The following PTPRG variants were observed in gnomAD, a reference collection of about 807,000 sequenced individuals.
PTPRG encodes protein tyrosine phosphatase receptor type G.
Under a neutral mutation model 165.3 loss-of-function variants are expected in PTPRG, and 102 were observed. That is an observed-to-expected ratio of 0.62 (90% CI 0.53 to 0.73). The LOEUF (loss-of-function observed/expected upper bound fraction) is 0.73, where lower values mean the gene tolerates loss of function less well. Ranked by LOEUF, PTPRG falls within the 30% of genes least tolerant of loss-of-function variation. The pLI, the probability that PTPRG is intolerant of heterozygous loss-of-function variation, is 0.00. For missense variants in PTPRG, 1,866 were observed against 1,861.4 expected (o/e 1.00, Z -0.05); for synonymous variants, 675 against 669.5 (o/e 1.01, Z -0.13).
chr3:62,215,545 A>AG (rs1576145271), intron 12 of PTPRG, among the ~76,000 whole-genome samples: 1 of 83,294 alleles, frequency 1.2e-5, no homozygotes, highest in Non-Finnish European at 2.6e-5. Context: ...CCCCTACGGG[A>AG]ACCCCCCCCC....
rs143984259 is a variant in PTPRG at position 61,916,721 on chromosome 3, T to A, written c.191-72904T>A. On this transcript the variant is annotated intron_variant, in intron 2 of 29. Transcript: ENST00000474889. ...AAAATCTATTTTATCCTCATAACAG[T>A]CATGTAGCATATAGGAGCTATTATG... Among the ~76,000 whole-genome samples, 1,319 of 152,312 alleles carry A rather than the reference T, an allele frequency of 8.7e-3. 11 individuals carry two copies. Among genetic ancestry groups the A allele is most frequent in the Non-Finnish European group, 0.013 (898 of 68,038 alleles).
chr3:62,010,380 G>GTGTGTGTGTGTGTT (rs1485702634), intron 4 of PTPRG, among the ~76,000 whole-genome samples: 4 of 151,866 alleles, frequency 2.6e-5, no homozygotes, highest in African/African-American at 9.7e-5. Context: ...TTGTGTGTGT[G>GTGTGTGTGTGTGTT]TGTGTGTGTG....
chr3:62,227,237 C>T (rs1011086857), intron 13 of PTPRG, among the ~76,000 whole-genome samples: 1 of 152,192 alleles, frequency 6.6e-6, no homozygotes, highest in Non-Finnish European at 1.5e-5. Flanking sequence ...ACATGTTCTT[C>T]ACCCATCTGC....
intron 2 of PTPRG, among the ~76,000 whole-genome samples, chr3:61,943,977 CT>C (rs1041521564): frequency 3.3e-5 from 5 of 152,084 alleles, no homozygotes; most frequent in African/African-American, 9.7e-5. Context: ...AGTAATTTAA[CT>C]TTTTTTTCGT....
At chr3:62,029,285 C>T (rs1699685486) in intron 4 of PTPRG, among the ~76,000 whole-genome samples, 1 of 152,052 alleles carries the variant, frequency 6.6e-6, no homozygotes, top group African/African-American at 2.4e-5. Context: ...AGTTAGAGTC[C>T]ATTTGGAGAC....
intron 4 of PTPRG, among the ~76,000 whole-genome samples, chr3:62,007,565 G>C (rs1213606889): frequency 1.3e-5 from 2 of 152,178 alleles, no homozygotes; most frequent in African/African-American, 4.8e-5. Context: ...CATTTTTCTT[G>C]AGTATCTTCT....
chr3:61,981,596 A>G (rs1575847500), intron 2 of PTPRG, among the ~76,000 whole-genome samples: 1 of 152,214 alleles, frequency 6.6e-6, no homozygotes. Flanking sequence ...GGTGTAAATC[A>G]TTTATTAAAC....
intron 6 of PTPRG, among the ~76,000 whole-genome samples, chr3:62,144,341 G>A (rs1704041822): frequency 6.6e-6 from 1 of 152,134 alleles, no homozygotes; most frequent in Non-Finnish European, 1.5e-5. Context: ...TACAGAGATA[G>A]GTTTCAGTTT....
At chr3:62,004,906 C>T (rs1008922463) in intron 4 of PTPRG, among the ~76,000 whole-genome samples, 2 of 152,218 alleles carry the variant, frequency 1.3e-5, no homozygotes, top group African/African-American at 4.8e-5. Flanking sequence ...ATGCATCTAT[C>T]TACACATAGA....
chr3:61,938,235 C>CTT (rs59553874), intron 2 of PTPRG, among the ~76,000 whole-genome samples: 1,488 of 135,294 alleles, frequency 0.011, 26 homozygotes, highest in African/African-American at 0.035. Flanking sequence ...TTTCTTTTTC[C>CTT]TTTTTTTTTT....
At chr3:61,654,124 TGTG>T (rs1259655329) in intron 1 of PTPRG, among the ~76,000 whole-genome samples, 5 of 152,096 alleles carry the variant, frequency 3.3e-5, no homozygotes, top group African/African-American at 4.8e-5. Context: ...CTTATAGTGT[TGTG>T]GTGAGAAATG....
In PTPRG at chr3:62,157,231, A is replaced by G; in HGVS notation, c.840+7A>G. ...CCCCATCTCTTACCATCAGGTAGATATTCTTCCTCAAGTGGGGTTTCTGTG... is the reference window on the plus strand; with the variant it reads ...CCCCATCTCTTACCATCAGGTAGATGTTCTTCCTCAAGTGGGGTTTCTGTG... On this transcript the variant is annotated splice_region_variant and intron_variant, in intron 7 of 29. Transcript: ENST00000474889. 2 of 1,611,030 alleles carry G rather than the reference A, an allele frequency of 1.2e-6. No individual in the cohort carries two copies. Among genetic ancestry groups the G allele is most frequent in the Non-Finnish European group, 1.7e-6 (2 of 1,177,456 alleles).
At chr3:61,592,649 C>CT (rs373986933) in intron 1 of PTPRG, among the ~76,000 whole-genome samples, 2,671 of 132,852 alleles carry the variant, frequency 0.02, 48 homozygotes, top group Middle Eastern at 0.028. Context: ...TTCTTTCTTT[C>CT]TTTTTTTTTT....
At chr3:62,057,099 G>A (rs1206074185) in intron 4 of PTPRG, among the ~76,000 whole-genome samples, 1 of 152,178 alleles carries the variant, frequency 6.6e-6, no homozygotes, top group African/African-American at 2.4e-5. Flanking sequence ...GACTCTGATG[G>A]CAGACTGAAA....
chr3:62,241,219 T>G (rs1701152626), intron 14 of PTPRG, among the ~76,000 whole-genome samples: 2 of 152,188 alleles, frequency 1.3e-5, no homozygotes, highest in African/African-American at 4.8e-5. Context: ...GGAAGTAGTT[T>G]TAAGGATTGC....
intron 8 of PTPRG, among the ~76,000 whole-genome samples, chr3:62,178,438 G>T (rs1356680608): frequency 6.6e-6 from 1 of 152,214 alleles, no homozygotes; most frequent in Non-Finnish European, 1.5e-5. Flanking sequence ...TCTGAAGTAG[G>T]ATGTCATGCC....
chr3:61,781,774 C>G (rs1455957294), intron 2 of PTPRG, among the ~76,000 whole-genome samples: 1 of 151,960 alleles, frequency 6.6e-6, no homozygotes, highest in Non-Finnish European at 1.5e-5. Flanking sequence ...CTTATGTAGG[C>G]TGGAGTGCAG....
intron 3 of PTPRG, among the ~76,000 whole-genome samples, chr3:62,000,080 A>T (rs1271833096): frequency 6.6e-6 from 1 of 152,074 alleles, no homozygotes; most frequent in Non-Finnish European, 1.5e-5. Flanking sequence ...AGGTGGGTGA[A>T]TCTCTTGAGG....
rs572617172 is a variant in PTPRG at position 61,862,955 on chromosome 3, C to T, written c.190+113973C>T. ...TAATTGCCTCAAGTATAAAAGCAAA[C>T]GAGCAGATTTCAGTAGATGATGCCT... is the stretch of plus-strand genomic sequence containing the variant. On this transcript the variant is annotated intron_variant, in intron 2 of 29. Coordinates refer to ENST00000474889, the MANE Select transcript of PTPRG (RefSeq NM_002841.4). Among the ~76,000 whole-genome samples the T allele has an allele frequency of 3.3e-5, 5 of 152,240 alleles. No homozygotes were observed. The South Asian group carries it at 6.2e-4, about 19-fold the overall frequency.
Sources: gnomAD v4.1 joint callset for allele counts (sites outside exome capture counted in the v4.1 genomes callset) on GRCh38, gnomAD v4.1.1 for gene constraint, MANE v1.5 for transcripts, NCBI Gene and HGNC (gene_info 2026-07-23, HGNC 2026-07-21) for gene names.